Variants in ANKRD33B observed in about 807,000 individuals in gnomAD.
ANKRD33B encodes ankyrin repeat domain 33B.
In ANKRD33B, 6 loss-of-function variants were observed where a neutral mutation model predicts 21.5. The ratio of observed to expected loss-of-function variants is 0.28; its 90% CI spans 0.15 to 0.55. ANKRD33B has a LOEUF of 0.55. ANKRD33B is among the 20% of genes least tolerant of loss of function. ANKRD33B has a pLI of 0.94. For synonymous variants in ANKRD33B, 347 were observed against 342.4 expected, an observed-to-expected ratio of 1.01 and a Z score of -0.15; for missense variants, 698 against 747.2, an observed-to-expected ratio of 0.93 and a Z score of 0.77.
intron 1 of ANKRD33B, among the ~76,000 whole-genome samples, chr5:10,572,625 G>A (rs914190069): frequency 2.0e-5 from 3 of 152,178 alleles, no homozygotes; most frequent in Non-Finnish European, 4.4e-5. Flanking sequence ...TGCCCATGCC[G>A]CAGCGTTAGT....
intron 1 of ANKRD33B, among the ~76,000 whole-genome samples, chr5:10,597,333 A>G (rs1735840573): frequency 6.6e-6 from 1 of 152,264 alleles, no homozygotes; most frequent in African/African-American, 2.4e-5. Flanking sequence ...CTGAAAATGA[A>G]GGGATGGAGG....
At chr5:10,600,588 A>G (rs574713230) in intron 1 of ANKRD33B, among the ~76,000 whole-genome samples, 2 of 152,302 alleles carry the variant, frequency 1.3e-5, no homozygotes, top group East Asian at 3.9e-4. Context: ...GGTTGTTTGC[A>G]ATTTTGGGAT....
At chr5:10,590,608 G>GCGTT (rs1011020845) in intron 1 of ANKRD33B, among the ~76,000 whole-genome samples, 5 of 99,784 alleles carry the variant, frequency 5.0e-5, no homozygotes, top group African/African-American at 2.4e-4. Context: ...GCGCGCGCGC[G>GCGTT]TGTGTGTGTG....
At chr5:10,614,939 C>G (rs1161179942) in intron 1 of ANKRD33B, among the ~76,000 whole-genome samples, 1 of 152,144 alleles carries the variant, frequency 6.6e-6, no homozygotes, top group Non-Finnish European at 1.5e-5. Context: ...ATCAGCCTTC[C>G]CAAGGTGGCT....
At chr5:10,641,053 T>C (rs1737042529) in intron 3 of ANKRD33B, among the ~76,000 whole-genome samples, 1 of 152,116 alleles carries the variant, frequency 6.6e-6, no homozygotes, top group Non-Finnish European at 1.5e-5. Flanking sequence ...TGGAGGGTCG[T>C]CAACATTCAG....
At chr5:10,606,248 G>C (rs923753066) in intron 1 of ANKRD33B, among the ~76,000 whole-genome samples, 4 of 152,124 alleles carry the variant, frequency 2.6e-5, no homozygotes, top group Admixed American at 2.6e-4. Context: ...TAGTCTAAAG[G>C]GAAATTGTTT....
At position 10,650,244 on chromosome 5, in the gene ANKRD33B, T is replaced by C; in HGVS notation, c.*131T>C. ...CCATGGACCACGGGGCTGCGCGCAT[T>C]TCCAGGCTGTTTGTCCAGGCTGCTT... On this transcript the variant is annotated 3_prime_UTR_variant, in exon 4 of 4. Transcript: ENST00000296657. 1 of 1,029,592 alleles carries C rather than the reference T, an allele frequency of 9.7e-7. No individual in the cohort carries two copies. Among genetic ancestry groups the C allele is most frequent in the African/African-American group, 1.7e-5 (1 of 58,422 alleles). 63.8% of individuals were successfully genotyped at this position (1,029,592 alleles called of 1,614,324 possible).
intron 1 of ANKRD33B, among the ~76,000 whole-genome samples, chr5:10,565,433 C>A (rs1339977371): frequency 6.6e-6 from 1 of 152,212 alleles, no homozygotes; most frequent in Admixed American, 6.5e-5. Flanking sequence ...GCCCGCGCCG[C>A]GACCAGCCAA....
chr5:10,639,640 A>C (rs1288375041), intron 3 of ANKRD33B, among the ~76,000 whole-genome samples: 12 of 46,666 alleles, frequency 2.6e-4, no homozygotes, highest in South Asian at 9.9e-4. Flanking sequence ...GGTGACGCGG[A>C]GTTGCGCGGC....
chr5:10,650,941 CTG>C lies in ANKRD33B; in HGVS notation c.*830_*831del, dbSNP rs567211283. 132 of 152,412 alleles carry C rather than the reference CTG, an allele frequency of 8.7e-4. No homozygotes were observed. The highest frequency in any genetic ancestry group is 3.0e-3 in the African/African-American group (124 of 41,566). 9.4% of individuals were successfully genotyped at this position (152,412 alleles called of 1,614,324 possible). A position where few individuals can be genotyped will look rare whatever the true frequency, so the allele number is the denominator to read the frequency against. On this transcript the variant is annotated 3_prime_UTR_variant, in exon 4 of 4. Transcript: ENST00000296657. ...ATTAAAAATAGATATGAGAAAAAAA[CTG>C]TCATTCGATAAAATGAGGCAAATTT...
At chr5:10,589,457 C>T (rs1228884981) in intron 1 of ANKRD33B, among the ~76,000 whole-genome samples, 10 of 152,208 alleles carry the variant, frequency 6.6e-5, no homozygotes, top group Admixed American at 2.0e-4. Context: ...AGTACATTTC[C>T]TTCTACACTT....
In ANKRD33B at chr5:10,649,782, C is replaced by G. The variant is rs1222579298; in HGVS notation, c.1154C>G (p.Ala385Gly). 4 of 1,399,836 alleles carry G rather than the reference C, an allele frequency of 2.9e-6. No homozygotes were observed. The highest frequency in any genetic ancestry group is 3.7e-6 in the Non-Finnish European group (4 of 1,083,342). 86.7% of individuals were successfully genotyped at this position (1,399,836 alleles called of 1,614,324 possible). A position where few individuals can be genotyped will look rare whatever the true frequency, so the allele number is the denominator to read the frequency against. The change falls in exon 4 of 4, where the codon GCC becomes GGC. Residue 385 changes from alanine (A) to glycine (G), a missense_variant. Transcript: ENST00000296657. ...DADSREGSPRAGLPPALGSRG... is the reference protein window; with the variant it reads ...DADSREGSPRGGLPPALGSRG... The stretch of plus-strand genomic sequence containing the variant: ...GACTCCCGGGAGGGCTCCCCGAGAG[C>G]CGGCCTCCCTCCCGCCCTGGGGTCC...
At chr5:10,633,524 C>T (rs1174141703) in intron 2 of ANKRD33B, among the ~76,000 whole-genome samples, 1 of 152,244 alleles carries the variant, frequency 6.6e-6, no homozygotes, top group Admixed American at 6.5e-5. Flanking sequence ...TAAGATCTGA[C>T]GTCCGTGACG....
intron 1 of ANKRD33B, among the ~76,000 whole-genome samples, chr5:10,596,673 T>C (rs1349429210): frequency 2.6e-5 from 4 of 152,118 alleles, no homozygotes; most frequent in Non-Finnish European, 5.9e-5. Flanking sequence ...CAGGCCAACA[T>C]TTAAATTCAG....
At chr5:10,632,449 TC>T (rs2126594616) in intron 2 of ANKRD33B, among the ~76,000 whole-genome samples, 1 of 152,312 alleles carries the variant, frequency 6.6e-6, no homozygotes. Flanking sequence ...GAAGGCACCT[TC>T]GCATCCATGC....
At chr5:10,567,706 C>T (rs928839570) in intron 1 of ANKRD33B, among the ~76,000 whole-genome samples, 2 of 152,158 alleles carry the variant, frequency 1.3e-5, no homozygotes, top group African/African-American at 4.8e-5. Flanking sequence ...ATTTAGAGAG[C>T]AGGTGACGTT....
At chr5:10,571,551 T>A (rs1735195125) in intron 1 of ANKRD33B, among the ~76,000 whole-genome samples, 1 of 152,242 alleles carries the variant, frequency 6.6e-6, no homozygotes, top group African/African-American at 2.4e-5. Context: ...GGCTTGTGCC[T>A]GGAACCCAGA....
Position 10,650,096 on chromosome 5 carries a change from T to C in ANKRD33B, c.1468T>C (p.Trp490Arg), listed in dbSNP as rs1579763682. 6.6e-7 allele frequency: 1 copy of C among 1,523,054 alleles called. No individual in the cohort carries two copies. Among genetic ancestry groups the C allele is most frequent in the Non-Finnish European group, 8.8e-7 (1 of 1,139,430 alleles). The allele number at this position is 1,523,054 out of a possible 1,614,324, so 94.3% of individuals were successfully genotyped here. Residue 490 changes from tryptophan to arginine, a missense_variant, in exon 4 of 4, where the codon TGG (tryptophan) becomes CGG (arginine). Coordinates refer to ENST00000296657, the MANE Select transcript of ANKRD33B (RefSeq NM_001164440.2). ...GCAGAAGGAGAGGCGCACTGCGCCCTGGAAGAAGAGGACGTGAGGGCCCGT... is the reference window on the plus strand; with the variant it reads ...GCAGAAGGAGAGGCGCACTGCGCCCCGGAAGAAGAGGACGTGAGGGCCCGT... ...EAQKERRTAP[W>R]KKRT
intron 2 of ANKRD33B, among the ~76,000 whole-genome samples, chr5:10,631,406 C>T (rs1178799783): frequency 6.6e-6 from 1 of 152,156 alleles, no homozygotes; most frequent in Non-Finnish European, 1.5e-5. Flanking sequence ...AGGGATAAGC[C>T]TCCTTCAGCA....
Sources: gnomAD v4.1 joint callset for allele counts (sites outside exome capture counted in the v4.1 genomes callset) on GRCh38, gnomAD v4.1.1 for gene constraint, MANE v1.5 for transcripts, NCBI Gene and HGNC (gene_info 2026-07-23, HGNC 2026-07-21) for gene names.